ZFAT: variants seen among roughly 807,000 people sequenced by gnomAD.
The protein encoded by ZFAT is zinc finger and AT-hook domain containing.
ZFAT carries 64 observed loss-of-function variants against 117.7 expected under a neutral mutation model. The observed-to-expected ratio is 0.54, with a 90% CI of 0.44 to 0.67. ZFAT has a LOEUF of 0.67. ZFAT is among the 30% of genes least tolerant of loss of function. The pLI, the probability that ZFAT is intolerant of heterozygous loss-of-function variation, is 0.00. For synonymous variants in ZFAT, 679 were observed against 615.0 expected (o/e 1.10, Z -1.54); for missense variants, 1,433 against 1,584.5 (o/e 0.90, Z 1.62).
At chr8:134,826,897 C>T in the ZFAT span, among the ~76,000 whole-genome samples, 1 of 152,116 alleles carries the variant, frequency 6.6e-6, no homozygotes, top group Non-Finnish European at 1.5e-5. Context: ...TGTATTGACG[C>T]TATAGGTAAG....
chr8:134,603,342 A>G (rs1827656783), intron 5 of ZFAT, among the ~76,000 whole-genome samples: 1 of 152,214 alleles, frequency 6.6e-6, no homozygotes, highest in African/African-American at 2.4e-5. Flanking sequence ...CAGGTGTGCC[A>G]TCCACAACTC....
At chr8:134,539,860 G>T (rs905595686) in intron 11 of ZFAT, among the ~76,000 whole-genome samples, 3 of 151,660 alleles carry the variant, frequency 2.0e-5, no homozygotes, top group African/African-American at 7.3e-5. Context: ...CCAGGCGCAG[G>T]AGAAGAGGGT....
At chr8:134,513,309 T>G (rs1820000222) in intron 13 of ZFAT, among the ~76,000 whole-genome samples, 1 of 151,732 alleles carries the variant, frequency 6.6e-6, no homozygotes, top group Admixed American at 6.6e-5. Context: ...GCGATTCTCC[T>G]GCCTCAGCCT....
intron 2 of ZFAT, among the ~76,000 whole-genome samples, chr8:134,656,477 T>A (rs990443402): frequency 6.6e-6 from 1 of 152,202 alleles, no homozygotes; most frequent in Admixed American, 6.5e-5. Flanking sequence ...TTTCACTTTA[T>A]GCCACTAACA....
At chr8:134,557,320 G>A (rs2130732994) in intron 11 of ZFAT, among the ~76,000 whole-genome samples, 1 of 152,322 alleles carries the variant, frequency 6.6e-6, no homozygotes, top group South Asian at 2.1e-4. Flanking sequence ...AACAGGGAAA[G>A]TCTGAGAAGC....
chr8:134,778,057 C>T, the ZFAT span, among the ~76,000 whole-genome samples: 1 of 152,182 alleles, frequency 6.6e-6, no homozygotes, highest in Non-Finnish European at 1.5e-5. Flanking sequence ...CCCATTTAAC[C>T]TCAGAAGAAC....
chr8:134,655,985 C>T (rs1299677606), intron 2 of ZFAT, among the ~76,000 whole-genome samples: 7 of 152,086 alleles, frequency 4.6e-5, no homozygotes, highest in South Asian at 2.1e-4. Flanking sequence ...GCCCAAAAGG[C>T]GGAGGTGACT....
intron 1 of ZFAT, among the ~76,000 whole-genome samples, chr8:134,675,192 A>G (rs1176809027): frequency 6.6e-6 from 1 of 152,220 alleles, no homozygotes; most frequent in Non-Finnish European, 1.5e-5. Flanking sequence ...AATGCAAGGA[A>G]GCTAAAAACC....
chr8:134,617,393 T>A (rs565001174), intron 3 of ZFAT, among the ~76,000 whole-genome samples: 3 of 152,242 alleles, frequency 2.0e-5, no homozygotes, highest in Non-Finnish European at 4.4e-5. Context: ...TTAAGACTTT[T>A]ATCACCTCTA....
intron 10 of ZFAT, among the ~76,000 whole-genome samples, chr8:134,577,130 T>C (rs1057385791): frequency 6.6e-6 from 1 of 152,236 alleles, no homozygotes; most frequent in African/African-American, 2.4e-5. Context: ...TACAGCATGA[T>C]CTTTGCATTA....
chr8:134,741,389 ACTTGC>A, the ZFAT span, among the ~76,000 whole-genome samples: 7 of 152,286 alleles, frequency 4.6e-5, no homozygotes, highest in East Asian at 1.4e-3. Context: ...TTGGGATTGT[ACTTGC>A]CTTCTCAGCA....
intron 10 of ZFAT, among the ~76,000 whole-genome samples, chr8:134,580,307 C>T (rs114263049): frequency 0.02 from 3,119 of 152,272 alleles, 118 homozygotes; most frequent in African/African-American, 0.071. Context: ...TTACTCATAC[C>T]ACAAATACAA....
Position 134,595,700 on chromosome 8 carries a change from T to A in ZFAT, c.2475+4736A>T, listed in dbSNP as rs543703056. Among the ~76,000 whole-genome samples the A allele has an allele frequency of 3.9e-5, 6 of 152,380 alleles. No individual in the cohort carries two copies. The South Asian group carries it at 1.0e-3, about 26-fold the overall frequency. ...TATTTCCTCAATGCCAAGACATCTC[T>A]GACTGTAAGTTGACATTATTTAGTT... On this transcript the variant is annotated intron_variant, in intron 7 of 15. Coordinates refer to ENST00000377838, the MANE Select transcript of ZFAT (RefSeq NM_020863.4).
intron 1 of ZFAT, among the ~76,000 whole-genome samples, chr8:134,679,185 T>C (rs577901619): frequency 1.3e-5 from 2 of 151,952 alleles, no homozygotes; most frequent in Non-Finnish European, 2.9e-5. Flanking sequence ...TTTCAATCTA[T>C]CCATCCGAAA....
chr8:134,486,376 G>A (rs181645102), intron 15 of ZFAT, among the ~76,000 whole-genome samples: 1 of 152,172 alleles, frequency 6.6e-6, no homozygotes, highest in Admixed American at 6.5e-5. Flanking sequence ...AAACTCCACC[G>A]ACACCTCTGT....
intron 2 of ZFAT, among the ~76,000 whole-genome samples, chr8:134,650,809 G>C (rs937077453): frequency 6.6e-6 from 1 of 152,204 alleles, no homozygotes; most frequent in Non-Finnish European, 1.5e-5. Context: ...AATGGGAAAA[G>C]AACAGTCTTG....
At chr8:134,601,411 A>G in intron 6 of ZFAT, 66 bp downstream of exon 6, 1 of 1,529,442 alleles carries the variant, frequency 6.5e-7, no homozygotes, top group Non-Finnish European at 8.8e-7. Flanking sequence ...AGCTCAAATC[A>G]AATGCGAGGT....
the ZFAT span, chr8:134,796,764 A>C: frequency 5.3e-5 from 8 of 152,212 alleles, no homozygotes; most frequent in African/African-American, 1.7e-4. Context: ...GTGACTATGA[A>C]GCACAAAGAT....
Position 134,637,622 on chromosome 8 carries a change from C to G in ZFAT, c.287G>C (p.Ser96Thr), listed in dbSNP as rs768989445. Residue 96 changes from serine to threonine, a missense_variant, in exon 3 of 16, where the codon AGT becomes ACT. Physicochemically the swap from Ser to Thr is moderately conservative, Grantham distance 58. This residue lies in a region of ZFAT where 436 missense variants were observed against 482.0 expected (regional missense o/e 0.90). Transcript: ENST00000377838. ...TEEELAENIV[S>T]PTEDSPLAPE... ...AGCCAGCGGGCTGTCCTCAGTCGGACTCACGATGTTTTCTGCCAGCTCCTC... is the reference window on the plus strand; with the variant it reads ...AGCCAGCGGGCTGTCCTCAGTCGGAGTCACGATGTTTTCTGCCAGCTCCTC... 2 of 1,614,106 alleles carry G rather than the reference C, an allele frequency of 1.2e-6. No homozygotes were observed. Among genetic ancestry groups the G allele is most frequent in the African/African-American group, 2.7e-5 (2 of 74,936 alleles).
Sources: gnomAD v4.1 joint callset for allele counts (sites outside exome capture counted in the v4.1 genomes callset) on GRCh38, gnomAD v4.1.1 for gene constraint, gnomAD v4.1.1 regional missense constraint, MANE v1.5 for transcripts, NCBI Gene and HGNC (gene_info 2026-07-23, HGNC 2026-07-21) for gene names.